TNS3: variants seen among roughly 807,000 people sequenced by gnomAD.
TNS3 encodes tensin-3.
In TNS3, 45 loss-of-function variants were observed where a neutral mutation model predicts 140.9. That is an observed-to-expected ratio of 0.32 (90% CI 0.25 to 0.41). The LOEUF (loss-of-function observed/expected upper bound fraction) is 0.41, where lower values mean the gene tolerates loss of function less well. Among genes scored for constraint, TNS3 ranks in the 10% least tolerant of loss-of-function variants. The pLI is 1.00. For missense variants in TNS3, 1,716 were observed against 1,906.7 expected (o/e 0.90, Z 1.86); for synonymous variants, 815 against 788.4 (o/e 1.03, Z -0.56).
At chr7:47,391,643 GA>G (rs1562679722) in intron 16 of TNS3, among the ~76,000 whole-genome samples, 1 of 152,342 alleles carries the variant, frequency 6.6e-6, no homozygotes, top group East Asian at 1.9e-4. Flanking sequence ...TGGGGGTCCA[GA>G]GCTTTGCAGA....
intron 20 of TNS3, among the ~76,000 whole-genome samples, chr7:47,341,005 G>A (rs974026223): frequency 2.6e-5 from 4 of 152,092 alleles, no homozygotes; most frequent in African/African-American, 9.7e-5. Context: ...TGATATAGTC[G>A]TGAGCTTTTT....
chr7:47,549,636 C>G (rs1001175647), intron 1 of TNS3, among the ~76,000 whole-genome samples: 4 of 152,132 alleles, frequency 2.6e-5, no homozygotes, highest in Non-Finnish European at 4.4e-5. Flanking sequence ...TCACTTCCCC[C>G]AGATCCCTGC....
chr7:47,403,757 C>G (rs1232310385), intron 13 of TNS3, among the ~76,000 whole-genome samples: 1 of 152,196 alleles, frequency 6.6e-6, no homozygotes, highest in Admixed American at 6.5e-5. Context: ...GATCTTGAGA[C>G]AAAATCCACT....
At chr7:47,388,234 A>G (rs1035777235) in intron 16 of TNS3, among the ~76,000 whole-genome samples, 1 of 152,100 alleles carries the variant, frequency 6.6e-6, no homozygotes, top group Non-Finnish European at 1.5e-5. Context: ...ACCAGGGTCT[A>G]CACACACACA....
intron 4 of TNS3, among the ~76,000 whole-genome samples, chr7:47,469,819 T>C (rs1372850360): frequency 2.0e-5 from 3 of 151,582 alleles, no homozygotes; most frequent in Non-Finnish European, 4.4e-5. Flanking sequence ...GATAAAAATA[T>C]AAAAATTAGC....
chr7:47,444,450 AACTCTC>A (rs1795622998), intron 4 of TNS3, among the ~76,000 whole-genome samples: 3 of 152,260 alleles, frequency 2.0e-5, no homozygotes, highest in Admixed American at 1.3e-4. Context: ...AAAACTATTT[AACTCTC>A]ACATGACACA....
chr7:47,393,947 A>T (rs1792678231), intron 16 of TNS3, among the ~76,000 whole-genome samples: 3 of 147,046 alleles, frequency 2.0e-5, no homozygotes. Context: ...TCGCCCCTAG[A>T]CCCAACTCTC....
chr7:47,335,200 G>A (rs1788564358), intron 20 of TNS3, among the ~76,000 whole-genome samples: 1 of 152,148 alleles, frequency 6.6e-6, no homozygotes, highest in South Asian at 2.1e-4. Flanking sequence ...GGCATAATGT[G>A]GCCATGTGGC....
chr7:47,513,937 T>C (rs1281327414), intron 2 of TNS3, among the ~76,000 whole-genome samples: 1 of 152,254 alleles, frequency 6.6e-6, no homozygotes, highest in Admixed American at 6.5e-5. Flanking sequence ...CCCAGAGCTG[T>C]CTGGCTTGCA....
At chr7:47,306,670 G>A (rs899587135) in intron 20 of TNS3, among the ~76,000 whole-genome samples, 2 of 151,894 alleles carry the variant, frequency 1.3e-5, no homozygotes, top group South Asian at 2.1e-4. Flanking sequence ...CACCTCCCGC[G>A]TTCACGCCAT....
At chr7:47,326,351 G>C (rs1406535886) in intron 20 of TNS3, among the ~76,000 whole-genome samples, 1 of 152,190 alleles carries the variant, frequency 6.6e-6, no homozygotes, top group African/African-American at 2.4e-5. Flanking sequence ...GTTGGACTCA[G>C]AAAACTATGT....
intron 17 of TNS3, among the ~76,000 whole-genome samples, chr7:47,362,174 A>G (rs1790373463): frequency 6.6e-6 from 1 of 152,156 alleles, no homozygotes; most frequent in African/African-American, 2.4e-5. Flanking sequence ...AGAGTGAGGG[A>G]GCAGGGCCTC....
intron 4 of TNS3, among the ~76,000 whole-genome samples, chr7:47,446,700 T>TTTTTTTTG (rs1795754982): frequency 1.5e-5 from 1 of 66,578 alleles, no homozygotes; most frequent in Non-Finnish European, 3.8e-5. Context: ...TTTTTTTTTT[T>TTTTTTTTG]TTTTTTTTTT....
chr7:47,452,844 G>A lies in TNS3; in HGVS notation c.-75-10789C>T, dbSNP rs1179184193. On this transcript the variant is annotated intron_variant, in intron 4 of 30. Coordinates refer to ENST00000311160, the MANE Select transcript of TNS3 (RefSeq NM_022748.12). Reference sequence around the variant, plus strand: ...CCTTCACTGCAAAGCAGCCAGTACCGGAGGCCACAGAGGAGGGTGGCCAGG... The same window carrying A: ...CCTTCACTGCAAAGCAGCCAGTACCAGAGGCCACAGAGGAGGGTGGCCAGG... The A allele has an allele frequency of 8.3e-6, 7 of 846,602 alleles. No individual in the cohort carries two copies. In the South Asian group the frequency reaches 1.6e-4, roughly 20 times the overall value. 52.4% of individuals were successfully genotyped at this position (846,602 alleles called of 1,614,324 possible).
intron 13 of TNS3, among the ~76,000 whole-genome samples, chr7:47,409,413 G>T (rs1003443886): frequency 6.6e-6 from 1 of 152,056 alleles, no homozygotes; most frequent in African/African-American, 2.4e-5. Flanking sequence ...CTCTTGGTGG[G>T]CGGTAGGGGG....
At chr7:47,493,459 G>T (rs1398162790) in intron 3 of TNS3, among the ~76,000 whole-genome samples, 3 of 152,086 alleles carry the variant, frequency 2.0e-5, no homozygotes, top group Admixed American at 2.0e-4. Flanking sequence ...ATACATTTTG[G>T]CAAGAGTGTT....
In TNS3 at chr7:47,439,736, C is replaced by G. The variant is rs139477321; in HGVS notation, c.-22-78G>C. On this transcript the variant is annotated intron_variant, in intron 5 of 30. Transcript: ENST00000311160. ...TCATCCTCTAGGAAAAAGGTGAAGACGACGGACACTCATCCCCTGGGTGTT... is the reference window on the plus strand; with the variant it reads ...TCATCCTCTAGGAAAAAGGTGAAGAGGACGGACACTCATCCCCTGGGTGTT... The G allele has an allele frequency of 2.7e-6, 4 of 1,478,918 alleles. No individual in the cohort carries two copies. In the East Asian group the frequency reaches 9.7e-5, roughly 36 times the overall value. The allele number at this position is 1,478,918 out of a possible 1,614,324, so 91.6% of individuals were successfully genotyped here.
intron 4 of TNS3, among the ~76,000 whole-genome samples, chr7:47,462,409 C>T (rs149787729): frequency 4.6e-5 from 7 of 152,266 alleles, no homozygotes; most frequent in Non-Finnish European, 8.8e-5. Context: ...TAAGCCACTG[C>T]GCCTGGCCGA....
intron 2 of TNS3, among the ~76,000 whole-genome samples, chr7:47,528,349 G>A (rs1287034817): frequency 2.0e-5 from 3 of 152,144 alleles, no homozygotes; most frequent in African/African-American, 7.2e-5. Context: ...AAGCCCACAG[G>A]CTGAGACTCT....
Sources: gnomAD v4.1 joint callset for allele counts (sites outside exome capture counted in the v4.1 genomes callset) on GRCh38, gnomAD v4.1.1 for gene constraint, MANE v1.5 for transcripts, NCBI Gene and HGNC (gene_info 2026-07-23, HGNC 2026-07-21) for gene names.